The following HEMK2 variants were observed in gnomAD, a reference collection of about 807,000 sequenced individuals.
HEMK2 encodes the protein HemK methyltransferase 2, ETF1 glutamine and histone H4 lysine, also known as methyltransferase HEMK2.
At chr21:28,789,438 A>T in the HEMK2 span, among the ~76,000 whole-genome samples, 1 of 152,182 alleles carries the variant, frequency 6.6e-6, no homozygotes, top group Non-Finnish European at 1.5e-5. Flanking sequence ...GCAGAGGCCT[A>T]AGGGGCATGG....
At chr21:28,706,683 A>C in the HEMK2 span, among the ~76,000 whole-genome samples, 1 of 152,234 alleles carries the variant, frequency 6.6e-6, no homozygotes, top group South Asian at 2.1e-4. Flanking sequence ...TTATCACTGC[A>C]GAAAAAGCAA....
chr21:28,709,101 T>C, the HEMK2 span, among the ~76,000 whole-genome samples: 1 of 152,134 alleles, frequency 6.6e-6, no homozygotes, highest in Non-Finnish European at 1.5e-5. Flanking sequence ...GTCCCTTCTA[T>C]AAGGGCACTA....
the HEMK2 span, among the ~76,000 whole-genome samples, chr21:28,801,835 T>C: frequency 6.6e-5 from 10 of 152,248 alleles, no homozygotes; most frequent in Admixed American, 6.5e-4. Flanking sequence ...AAAGGCAAAT[T>C]AGAACATCAC....
At chr21:28,747,892 CAG>C in the HEMK2 span, among the ~76,000 whole-genome samples, 5 of 152,168 alleles carry the variant, frequency 3.3e-5, no homozygotes, top group African/African-American at 9.7e-5. Context: ...GGAACATAAC[CAG>C]AGAGAGATAG....
At chr21:28,650,560 C>T in the HEMK2 span, among the ~76,000 whole-genome samples, 1 of 152,090 alleles carries the variant, frequency 6.6e-6, no homozygotes, top group Admixed American at 6.6e-5. Flanking sequence ...AGTCAGAAAA[C>T]TTTACGGGTT....
At chr21:28,650,337 G>A in the HEMK2 span, among the ~76,000 whole-genome samples, 1 of 152,058 alleles carries the variant, frequency 6.6e-6, no homozygotes, top group East Asian at 1.9e-4. Context: ...AGGGGTTGCA[G>A]TGAGCCAAGA....
At chr21:28,882,671 T>C in the HEMK2 span, among the ~76,000 whole-genome samples, 1 of 152,214 alleles carries the variant, frequency 6.6e-6, no homozygotes, top group African/African-American at 2.4e-5. Context: ...TAGGTGATTT[T>C]AATTTTCTTC....
chr21:28,775,635 T>TC, the HEMK2 span, among the ~76,000 whole-genome samples: 3 of 152,100 alleles, frequency 2.0e-5, no homozygotes, highest in African/African-American at 7.2e-5. Context: ...ATGCTTTTTT[T>TC]CCCCCAACAA....
chr21:28,668,050 G>A, the HEMK2 span, among the ~76,000 whole-genome samples: 5 of 152,166 alleles, frequency 3.3e-5, no homozygotes, highest in Admixed American at 1.3e-4. Flanking sequence ...GAACAATCCT[G>A]AGAGTGTTCT....
At chr21:28,700,828 G>A in the HEMK2 span, among the ~76,000 whole-genome samples, 1 of 94,398 alleles carries the variant, frequency 1.1e-5, no homozygotes, top group Non-Finnish European at 1.9e-5. Context: ...AAAGCTTGCA[G>A]AAACACACAC....
At chr21:28,762,434 A>AG in the HEMK2 span, among the ~76,000 whole-genome samples, 32,960 of 151,956 alleles carry the variant, frequency 0.22, 6,875 homozygotes, top group African/African-American at 0.54. Flanking sequence ...CACTATAAAA[A>AG]CAAGGCCTCT....
the HEMK2 span, among the ~76,000 whole-genome samples, chr21:28,849,222 G>A: frequency 6.6e-6 from 1 of 152,106 alleles, no homozygotes; most frequent in Non-Finnish European, 1.5e-5. Context: ...ATAGTATGCA[G>A]ACCAGGAGTG....
the HEMK2 span, among the ~76,000 whole-genome samples, chr21:28,727,752 GT>G: frequency 1.3e-5 from 2 of 152,170 alleles, no homozygotes; most frequent in Non-Finnish European, 2.9e-5. Context: ...AGGACCACTT[GT>G]TTATAAGCCT....
At chr21:28,704,646 G>A in the HEMK2 span, among the ~76,000 whole-genome samples, 29 of 151,800 alleles carry the variant, frequency 1.9e-4, no homozygotes, top group South Asian at 6.2e-4. Flanking sequence ...GGGAACAACC[G>A]TTTAAAAAAA....
chr21:28,689,882 G>A, the HEMK2 span, among the ~76,000 whole-genome samples: 3,556 of 152,222 alleles, frequency 0.023, 68 homozygotes, highest in Middle Eastern at 0.075. Flanking sequence ...AGATGAAGGG[G>A]GCAATGTAGG....
the HEMK2 span, among the ~76,000 whole-genome samples, chr21:28,645,616 C>T: frequency 6.6e-6 from 1 of 152,008 alleles, no homozygotes; most frequent in Non-Finnish European, 1.5e-5. Flanking sequence ...ATGCTTGCAT[C>T]TCCCCAAAAT....
the HEMK2 span, among the ~76,000 whole-genome samples, chr21:28,603,222 T>C: frequency 2.0e-5 from 3 of 152,192 alleles, no homozygotes; most frequent in Middle Eastern, 3.2e-3. Context: ...AAATTTCTCT[T>C]GGGAAAATTT....
At chr21:28,781,534 C>T in the HEMK2 span, among the ~76,000 whole-genome samples, 2 of 152,142 alleles carry the variant, frequency 1.3e-5, no homozygotes, top group African/African-American at 4.8e-5. Context: ...AGTAATACTA[C>T]AGTGAAAGGA....
the HEMK2 span, chr21:28,876,380 G>T: frequency 6.3e-7 from 1 of 1,586,292 alleles, no homozygotes. Flanking sequence ...GGCACACACT[G>T]TATGCTAAGA....
Sources: allele counts gnomAD v4.1 joint callset (sites outside exome capture counted in the v4.1 genomes callset), GRCh38; gene constraint gnomAD v4.1.1; transcripts MANE v1.5; gene names NCBI Gene and HGNC (gene_info 2026-07-23, HGNC 2026-07-21).